The following NR1H4 variants were observed in gnomAD, a reference collection of about 807,000 sequenced individuals.
NR1H4 encodes bile acid receptor.
Under a neutral mutation model 58.5 loss-of-function variants are expected in NR1H4, and 23 were observed. That is an observed-to-expected ratio of 0.39 (90% CI 0.28 to 0.56). The LOEUF is 0.56. Among genes scored for constraint, NR1H4 ranks in the 20% least tolerant of loss-of-function variants. The probability of loss-of-function intolerance (pLI) is 0.58; values close to 1 mark genes in which losing one functional copy is unlikely to be tolerated. For synonymous variants in NR1H4, 214 were observed against 198.0 expected (o/e 1.08, Z -0.68); for missense variants, 487 against 576.9 (o/e 0.84, Z 1.60).
At chr12:100,519,407 C>T (rs1335406544) in intron 4 of NR1H4, among the ~76,000 whole-genome samples, 1 of 152,048 alleles carries the variant, frequency 6.6e-6, no homozygotes, top group Non-Finnish European at 1.5e-5. Context: ...CAGCTGTTGA[C>T]ACAGTCTGAG....
rs187090118 is a variant in NR1H4, at chr12:100,533,293, A to C, written c.598+683A>C. On this transcript the variant is annotated intron_variant, in intron 5 of 10. Transcript: ENST00000392986. Reference sequence around the variant, plus strand: ...AATTCTACAGACCACTCAGATTCTGAGATATGTCCTGTTTCTCCTCAAAAC... The same window carrying C: ...AATTCTACAGACCACTCAGATTCTGCGATATGTCCTGTTTCTCCTCAAAAC... Among the ~76,000 whole-genome samples, 6 of 152,358 alleles carry C rather than the reference A, an allele frequency of 3.9e-5. No individual in the cohort carries two copies. In the East Asian group the frequency reaches 1.2e-3, roughly 29 times the overall value.
chr12:100,489,388 A>ACTACTGTACTC (rs757663138), intron 1 of NR1H4, among the ~76,000 whole-genome samples: 7 of 152,204 alleles, frequency 4.6e-5, no homozygotes, highest in Non-Finnish European at 8.8e-5. Flanking sequence ...TTGTGTTGCA[A>ACTACTGTACTC]CTACTGTACT....
intron 3 of NR1H4, among the ~76,000 whole-genome samples, chr12:100,498,738 A>G (rs1355414430): frequency 6.6e-6 from 1 of 152,124 alleles, no homozygotes; most frequent in Non-Finnish European, 1.5e-5. Context: ...TTTGGAATCC[A>G]CGTCTTGTAT....
At chr12:100,534,086 C>T (rs1048503774) in intron 5 of NR1H4, among the ~76,000 whole-genome samples, 10 of 151,634 alleles carry the variant, frequency 6.6e-5, no homozygotes, top group African/African-American at 2.2e-4. Context: ...TTAGTAGAGA[C>T]GGGGTTTCAC....
At chr12:100,477,466 G>T (rs1015852935) in intron 1 of NR1H4, among the ~76,000 whole-genome samples, 1 of 152,022 alleles carries the variant, frequency 6.6e-6, no homozygotes, top group Non-Finnish European at 1.5e-5. Flanking sequence ...AGGTCTCAAT[G>T]AACCTGAGAC....
chr12:100,493,544 T>C, intron 3 of NR1H4, 142 bp downstream of exon 3: 1 of 638,234 alleles, frequency 1.6e-6, no homozygotes, highest in South Asian at 1.8e-5. Context: ...TGTTAGCTAC[T>C]CTGCAAGGTT....
chr12:100,562,128 C>G (rs1955490101), intron 10 of NR1H4, 130 bp downstream of exon 10: 1 of 621,454 alleles, frequency 1.6e-6, no homozygotes, highest in African/African-American at 1.9e-5. Flanking sequence ...TTCTGCTATC[C>G]AAATAGAACC....
chr12:100,560,647 C>T (rs765195266), intron 9 of NR1H4, among the ~76,000 whole-genome samples: 10 of 152,180 alleles, frequency 6.6e-5, no homozygotes, highest in Non-Finnish European at 1.2e-4. Context: ...CGCGAGGGTC[C>T]GCGGCTTCAT....
intron 1 of NR1H4, among the ~76,000 whole-genome samples, chr12:100,486,394 G>C (rs1270001604): frequency 2.0e-5 from 3 of 152,148 alleles, no homozygotes; most frequent in Non-Finnish European, 4.4e-5. Flanking sequence ...ACTATACAAG[G>C]AGGAGGGAGA....
At chr12:100,530,292 T>C (rs1954660244) in intron 4 of NR1H4, among the ~76,000 whole-genome samples, 1 of 152,222 alleles carries the variant, frequency 6.6e-6, no homozygotes. Flanking sequence ...ATGGCCAAGA[T>C]ACTTAAACTC....
chr12:100,487,990 A>C (rs1353241915), intron 1 of NR1H4, among the ~76,000 whole-genome samples: 5 of 151,326 alleles, frequency 3.3e-5, no homozygotes, highest in Admixed American at 6.6e-5. Context: ...ATCACCTGAC[A>C]ATGTTGTTTT....
chr12:100,477,499 A>G (rs192927541), intron 1 of NR1H4, among the ~76,000 whole-genome samples: 293 of 152,264 alleles, frequency 1.9e-3, no homozygotes, highest in African/African-American at 6.7e-3. Flanking sequence ...TTACACTTTA[A>G]TTAATGTTAT....
At chr12:100,483,497 T>C (rs1004708511) in intron 1 of NR1H4, among the ~76,000 whole-genome samples, 3 of 152,248 alleles carry the variant, frequency 2.0e-5, no homozygotes, top group African/African-American at 7.2e-5. Flanking sequence ...AATGGTCATA[T>C]TGGCTCGCAG....
intron 9 of NR1H4, among the ~76,000 whole-genome samples, chr12:100,542,278 T>C (rs1380934383): frequency 6.6e-6 from 1 of 152,008 alleles, no homozygotes; most frequent in Non-Finnish European, 1.5e-5. Context: ...ACTTGGGAGA[T>C]GGAGGTTGCA....
intron 2 of NR1H4, among the ~76,000 whole-genome samples, 165 bp downstream of exon 2, chr12:100,492,802 C>T (rs1189428513): frequency 6.6e-6 from 1 of 152,020 alleles, no homozygotes; most frequent in African/African-American, 2.4e-5. Context: ...GACATAATGC[C>T]TAAATAGTCA....
intron 4 of NR1H4, among the ~76,000 whole-genome samples, chr12:100,520,996 G>T (rs1954402054): frequency 6.6e-6 from 1 of 152,078 alleles, no homozygotes; most frequent in Non-Finnish European, 1.5e-5. Flanking sequence ...GGACATTTGT[G>T]TGGATTGTAC....
chr12:100,522,754 T>C lies in NR1H4; in HGVS notation c.446-9704T>C, dbSNP rs972656897. ...TCTGAAGTCTATTATACACTCTGTA[T>C]ACCTTTGCTTACTGATAGCTTAGGT... is the stretch of plus-strand genomic sequence containing the variant. On this transcript the variant is annotated intron_variant, in intron 4 of 10. Coordinates refer to ENST00000392986, the MANE Select transcript of NR1H4 (RefSeq NM_001206979.2). 7.9e-5 allele frequency among the ~76,000 whole-genome samples: 12 copies of C among 152,196 alleles called. 1 individual carries two copies. The highest frequency in any genetic ancestry group is 2.9e-4 in the African/African-American group (12 of 41,468).
chr12:100,502,481 CTG>C (rs1953857483), intron 3 of NR1H4, among the ~76,000 whole-genome samples: 1 of 152,142 alleles, frequency 6.6e-6, no homozygotes, highest in Admixed American at 6.5e-5. Flanking sequence ...ACTTCCCTCT[CTG>C]TGTTTCTGTC....
chr12:100,484,716 A>G (rs944597765), intron 1 of NR1H4, among the ~76,000 whole-genome samples: 1 of 152,064 alleles, frequency 6.6e-6, no homozygotes, highest in Non-Finnish European at 1.5e-5. Context: ...CAACTTCCTG[A>G]ATGTTTCTCC....
Sources: gnomAD v4.1 joint callset for allele counts (sites outside exome capture counted in the v4.1 genomes callset) on GRCh38, gnomAD v4.1.1 for gene constraint, MANE v1.5 for transcripts, NCBI Gene and HGNC (gene_info 2026-07-23, HGNC 2026-07-21) for gene names.